CAST: variants seen among roughly 807,000 people sequenced by gnomAD.
CAST encodes calpastatin, also known as MIR583 host.
In CAST, 76 loss-of-function variants were observed where a neutral mutation model predicts 119.6. The ratio of observed to expected loss-of-function variants is 0.64; its 90% confidence interval spans 0.53 to 0.77. The LOEUF is 0.77. CAST is among the 30% of genes least tolerant of loss of function. The pLI is 0.00. For missense variants in CAST, 953 were observed against 946.5 expected (o/e 1.01, Z -0.09); for synonymous variants, 319 against 331.6 (o/e 0.96, Z 0.41).
the CAST span, among the ~76,000 whole-genome samples, chr5:96,467,130 T>C: frequency 6.6e-6 from 1 of 151,942 alleles, no homozygotes; most frequent in Non-Finnish European, 1.5e-5. Flanking sequence ...TTTCATACCA[T>C]TTTTTTTCTG....
At chr5:96,558,054 C>T (rs1413498810) in intron 1 of CAST, among the ~76,000 whole-genome samples, 4 of 152,194 alleles carry the variant, frequency 2.6e-5, no homozygotes, top group Non-Finnish European at 5.9e-5. Flanking sequence ...CAGAAACTCA[C>T]TCAAAACCGC....
chr5:96,372,298 A>C, the CAST span, among the ~76,000 whole-genome samples: 2 of 152,272 alleles, frequency 1.3e-5, no homozygotes, highest in Admixed American at 1.3e-4. Context: ...TCTGTTCTTC[A>C]GTCCTTTATT....
chr5:96,685,685 T>C (rs1191222821), intron 2 of CAST, among the ~76,000 whole-genome samples: 1 of 152,240 alleles, frequency 6.6e-6, no homozygotes, highest in African/African-American at 2.4e-5. Flanking sequence ...GGATATGGCA[T>C]GAGATAATGC....
chr5:96,203,303 T>C, the CAST span, among the ~76,000 whole-genome samples: 1 of 151,716 alleles, frequency 6.6e-6, no homozygotes, highest in Non-Finnish European at 1.5e-5. Context: ...GTGTAGAGAC[T>C]TTTAGCTATT....
upstream of CAST, chr5:96,662,372 CG>C: frequency 7.1e-7 from 1 of 1,406,534 alleles, no homozygotes; most frequent in Non-Finnish European, 9.2e-7. Context: ...CAGGCCTCCC[CG>C]CCACTCTCCG....
the CAST span, among the ~76,000 whole-genome samples, chr5:96,308,416 G>A: frequency 6.6e-6 from 1 of 151,752 alleles, no homozygotes; most frequent in Non-Finnish European, 1.5e-5. Flanking sequence ...CTTTAGCTCT[G>A]GGGAATTGTT....
chr5:95,987,915 T>C, the CAST span, among the ~76,000 whole-genome samples: 1 of 152,222 alleles, frequency 6.6e-6, no homozygotes, highest in Non-Finnish European at 1.5e-5. Flanking sequence ...GCTACCATAT[T>C]GGACAGCAGA....
At chr5:96,547,717 T>A (rs1012776311) in intron 1 of CAST, among the ~76,000 whole-genome samples, 1 of 152,214 alleles carries the variant, frequency 6.6e-6, no homozygotes, top group Non-Finnish European at 1.5e-5. Flanking sequence ...TAGTCCACAG[T>A]CATTCTCTGA....
chr5:96,548,893 T>C (rs1433119224), intron 1 of CAST, among the ~76,000 whole-genome samples: 1 of 152,226 alleles, frequency 6.6e-6, no homozygotes, highest in Non-Finnish European at 1.5e-5. Context: ...AGTTAGTTCA[T>C]AGCTGTCAGG....
chr5:96,344,881 A>G, the CAST span, among the ~76,000 whole-genome samples: 2 of 152,178 alleles, frequency 1.3e-5, no homozygotes, highest in African/African-American at 4.8e-5. Flanking sequence ...AATAGAGCTG[A>G]AAAACCACAT....
chr5:96,364,390 T>C, the CAST span, among the ~76,000 whole-genome samples: 5 of 152,234 alleles, frequency 3.3e-5, no homozygotes, highest in African/African-American at 1.2e-4. Context: ...TTGATTGGAA[T>C]AGTTTCAGAA....
chr5:96,553,015 A>C (rs1746165011), intron 1 of CAST, among the ~76,000 whole-genome samples: 1 of 152,202 alleles, frequency 6.6e-6, no homozygotes, highest in Non-Finnish European at 1.5e-5. Flanking sequence ...TTCTGAAACT[A>C]TTCTGATCAA....
intron 1 of CAST, among the ~76,000 whole-genome samples, chr5:96,535,909 GGTACCTACTTTTATTT>G (rs1206604325): frequency 6.6e-6 from 1 of 151,448 alleles, no homozygotes. Flanking sequence ...TGTCCTCAGT[GGTACCTACTTTTATTT>G]GTTAAAACCG....
chr5:96,374,630 T>C, the CAST span, among the ~76,000 whole-genome samples: 4 of 152,340 alleles, frequency 2.6e-5, no homozygotes, highest in East Asian at 5.8e-4. Context: ...GTCTTGTAGT[T>C]TTCCATCTTT....
At chr5:96,465,922 TG>T in the CAST span, among the ~76,000 whole-genome samples, 14 of 152,216 alleles carry the variant, frequency 9.2e-5, no homozygotes, top group Non-Finnish European at 1.8e-4. Context: ...TATTCATCTG[TG>T]TGTGTATATC....
chr5:96,463,395 T>C, the CAST span, among the ~76,000 whole-genome samples: 3 of 152,032 alleles, frequency 2.0e-5, no homozygotes, highest in African/African-American at 7.2e-5. Flanking sequence ...TCATGGAGCA[T>C]TTCAAATTCT....
At chr5:96,714,269 G>A (rs1756792196) in intron 3 of CAST, among the ~76,000 whole-genome samples, 1 of 152,196 alleles carries the variant, frequency 6.6e-6, no homozygotes, top group African/African-American at 2.4e-5. Flanking sequence ...TAGGCCTCAG[G>A]TCTATGGGAC....
chr5:96,125,150 T>C, the CAST span, among the ~76,000 whole-genome samples: 1 of 152,206 alleles, frequency 6.6e-6, no homozygotes. Flanking sequence ...CTAAGCCTGT[T>C]ATTTAGAAAG....
At chr5:96,430,015 G>A in the CAST span, among the ~76,000 whole-genome samples, 4 of 152,210 alleles carry the variant, frequency 2.6e-5, no homozygotes, top group Non-Finnish European at 5.9e-5. Context: ...TCTATGGTCA[G>A]TGCCACTTTC....
Sources: allele counts gnomAD v4.1 joint callset (sites outside exome capture counted in the v4.1 genomes callset), GRCh38; gene constraint gnomAD v4.1.1; transcripts MANE v1.5; gene names NCBI Gene and HGNC (gene_info 2026-07-23, HGNC 2026-07-21).